Variants in LMF1 observed in about 807,000 individuals in gnomAD.
LMF1 encodes lipase maturation factor 1, also known as transmembrane protein 112.
Under a neutral mutation model 60.6 loss-of-function variants are expected in LMF1, and 68 were observed. The ratio of observed to expected loss-of-function variants is 1.12; its 90% confidence interval spans 0.92 to 1.37. The LOEUF (loss-of-function observed/expected upper bound fraction) is 1.37. LMF1 is among the 40% of genes most tolerant of loss of function. LMF1 has a pLI of 0.00. For missense variants in LMF1, 948 were observed against 767.2 expected (o/e 1.24, Z -2.78); for synonymous variants, 418 against 324.7 (o/e 1.29, Z -3.09).
At chr16:898,816 C>G (rs1214537289) in intron 4 of LMF1, among the ~76,000 whole-genome samples, 1 of 152,198 alleles carries the variant, frequency 6.6e-6, no homozygotes, top group East Asian at 1.9e-4. Flanking sequence ...ACGGTTTTAA[C>G]TTAGAAATCA....
In LMF1 at chr16:955,311, C is replaced by T. The variant is rs201415879; in HGVS notation, c.194-645G>A. ...ACATAAAAGGCGTGCCTGCAGCAGA[C>T]GCGGTGTGTGCATACACACACACAC... On this transcript the variant is annotated intron_variant, in intron 1 of 10. Coordinates refer to ENST00000262301, the MANE Select transcript of LMF1 (RefSeq NM_022773.4). Among the ~76,000 whole-genome samples, 186 of 127,060 alleles carry T rather than the reference C, an allele frequency of 1.5e-3. 12 individuals are homozygous for T. The highest frequency in any genetic ancestry group is 5.0e-3 in the African/African-American group (133 of 26,406). The allele number at this position is 127,060 out of a possible 152,430, so 83.4% of individuals were successfully genotyped here. A position where few individuals can be genotyped will look rare whatever the true frequency, so the allele number is the denominator to read the frequency against.
chr16:954,043 ACACGTCCACACAGACACAGACC>A (rs2072596598), intron 2 of LMF1, among the ~76,000 whole-genome samples: 2 of 128,522 alleles, frequency 1.6e-5, no homozygotes, highest in African/African-American at 5.7e-5. Context: ...CCAGCCTCCT[ACACGTCCACACAGACACAGACC>A]CACTGCTTCT....
intron 4 of LMF1, chr16:899,251 G>A (rs1416312448): frequency 6.6e-6 from 1 of 152,254 alleles, no homozygotes; most frequent in Non-Finnish European, 1.5e-5. Flanking sequence ...CTCCGGTCTG[G>A]GCCTCGGCCT....
intron 1 of LMF1, among the ~76,000 whole-genome samples, chr16:954,963 C>T (rs2072640867): frequency 6.9e-6 from 1 of 145,520 alleles, no homozygotes; most frequent in African/African-American, 2.5e-5. Flanking sequence ...TGCATCCACA[C>T]ACACACATAT....
In LMF1 at chr16:871,368, G is replaced by A. The variant is rs753806011; in HGVS notation, c.898-27C>T. ...TGTGGAGACGCCGCAGCTGAGTCTC[G>A]TGCAGGGGCTCGTGTGGGGCCCCTG... is the stretch of plus-strand genomic sequence containing the variant. On this transcript the variant is annotated intron_variant, in intron 6 of 10. Transcript: ENST00000262301. 16 of 1,607,988 alleles carry A rather than the reference G, an allele frequency of 1.0e-5. No homozygotes were observed. The South Asian group carries it at 1.1e-4, about 11-fold the overall frequency.
intron 10 of LMF1, among the ~76,000 whole-genome samples, chr16:860,815 G>A (rs1265947319): frequency 1.3e-5 from 2 of 152,182 alleles, no homozygotes; most frequent in Non-Finnish European, 2.9e-5. Context: ...TGGGTTCTCT[G>A]TTGTGTTCCA....
chr16:980,815 C>T (rs1444968128), intron 1 of LMF1: 3 of 152,256 alleles, frequency 2.0e-5, no homozygotes, highest in African/African-American at 4.8e-5. Flanking sequence ...CTCTCCCCGC[C>T]TCCGCAGGCG....
intron 1 of LMF1, among the ~76,000 whole-genome samples, chr16:957,024 G>T (rs1199919407): frequency 1.3e-5 from 2 of 151,978 alleles, no homozygotes; most frequent in Admixed American, 6.6e-5. Context: ...GGATGTGGTG[G>T]TGCACCCCGG....
chr16:922,844 G>C (rs1477006406), intron 3 of LMF1, among the ~76,000 whole-genome samples: 1 of 123,982 alleles, frequency 8.1e-6, no homozygotes, highest in African/African-American at 3.5e-5. Flanking sequence ...CTGTGTGAAA[G>C]TCGCCTCGGT....
intron 4 of LMF1, among the ~76,000 whole-genome samples, chr16:906,071 G>T (rs546998541): frequency 3.1e-4 from 47 of 152,298 alleles, no homozygotes; most frequent in African/African-American, 1.1e-3. Context: ...ACGGAGGGGG[G>T]TTCACTTATC....
chr16:932,683 C>G (rs1307620786), intron 3 of LMF1, among the ~76,000 whole-genome samples: 1 of 152,206 alleles, frequency 6.6e-6, no homozygotes, highest in African/African-American at 2.4e-5. Flanking sequence ...AGCCCCCAAA[C>G]TGCTAAGATT....
At chr16:945,592 T>C (rs1284026930) in intron 2 of LMF1, among the ~76,000 whole-genome samples, 1 of 124,194 alleles carries the variant, frequency 8.1e-6, no homozygotes, top group Non-Finnish European at 1.7e-5. Context: ...AGAAAAAATA[T>C]CTGTTTAAAA....
intron 2 of LMF1, among the ~76,000 whole-genome samples, chr16:953,259 CAA>C (rs1169358660): frequency 2.3e-5 from 2 of 86,614 alleles, no homozygotes; most frequent in Admixed American, 9.6e-5. Context: ...ACACCCACCC[CAA>C]ACCAGCCTCC....
At chr16:980,098 TC>T in intron 1 of LMF1, 1 of 285,040 alleles carries the variant, frequency 3.5e-6, no homozygotes, top group Admixed American at 4.5e-5. Context: ...ACTCGCGCAC[TC>T]CGTCTCCCCA....
At chr16:943,496 C>T (rs1056862018) in intron 2 of LMF1, among the ~76,000 whole-genome samples, 1 of 151,760 alleles carries the variant, frequency 6.6e-6, no homozygotes, top group Non-Finnish European at 1.5e-5. Context: ...GAGGCCGAGG[C>T]GGGCGGATCA....
At chr16:974,588 C>T (rs34309119), upstream of LMF1, among the ~76,000 whole-genome samples, 28,169 of 152,204 alleles carry the variant, frequency 0.19, 2,861 homozygotes, top group South Asian at 0.33. Flanking sequence ...GCTGCCTCCC[C>T]GGAGACCGAC....
Position 957,514 on chromosome 16 carries a change from T to C in LMF1, c.194-2848A>G, listed in dbSNP as rs527631020. Among the ~76,000 whole-genome samples the C allele has an allele frequency of 5.9e-5, 9 of 152,306 alleles. No individual in the cohort carries two copies. In the East Asian group the frequency reaches 1.2e-3, roughly 20 times the overall value. The stretch of plus-strand genomic sequence containing the variant: ...AAATCAAAATCATTAAGGTGTCAAT[T>C]TGATCCATAAATTCGGCACAATCTG... On this transcript the variant is annotated intron_variant, in intron 1 of 10. Transcript: ENST00000262301.
At chr16:976,941 G>C (rs554826708) in intron 1 of LMF1, 1 of 454,180 alleles carries the variant, frequency 2.2e-6, no homozygotes, top group Admixed American at 2.3e-5. Flanking sequence ...TGTCAGGGGA[G>C]TGCGAGGTGA....
intron 7 of LMF1, 80 bp from the exon 8 acceptor site, chr16:870,962 CCCTAAGGGTCAGCTGT>C: frequency 6.7e-7 from 1 of 1,498,012 alleles, no homozygotes; most frequent in South Asian, 1.3e-5. Context: ...AGCTGCTGCT[CCCTAAGGGTCAGCTGT>C]CCTGGGTCCC....
Sources: gnomAD v4.1 joint callset for allele counts (sites outside exome capture counted in the v4.1 genomes callset) on GRCh38, gnomAD v4.1.1 for gene constraint, MANE v1.5 for transcripts, NCBI Gene and HGNC (gene_info 2026-07-23, HGNC 2026-07-21) for gene names.